UTRN: variants seen among roughly 807,000 people sequenced by gnomAD.
The protein encoded by UTRN is utrophin.
A neutral mutation model predicts 463.9 loss-of-function variants in UTRN; 283 were observed. The ratio of observed to expected loss-of-function variants is 0.61; its 90% confidence interval spans 0.55 to 0.67. The LOEUF (loss-of-function observed/expected upper bound fraction) is 0.67, where lower values mean the gene tolerates loss of function less well. UTRN is among the 30% of genes least tolerant of loss of function. UTRN has a pLI of 0.00. For synonymous variants in UTRN, 1,442 were observed against 1,431.5 expected, an observed-to-expected ratio of 1.01 and a Z score of -0.17; for missense variants, 3,922 against 4,084.3, an observed-to-expected ratio of 0.96 and a Z score of 1.08.
At chr6:144,616,889 A>G (rs562928537) in intron 51 of UTRN, among the ~76,000 whole-genome samples, 1 of 152,280 alleles carries the variant, frequency 6.6e-6, no homozygotes, top group East Asian at 1.9e-4. Context: ...ATAGCGTTCT[A>G]CCACCTGGTG....
chr6:144,451,603 G>A (rs996557263), intron 18 of UTRN, 110 bp downstream of exon 18: 69 of 1,302,484 alleles, frequency 5.3e-5, no homozygotes, highest in Non-Finnish European at 3.4e-5. Context: ...TAAAATAAAT[G>A]TAGGCAGAAG....
At chr6:144,346,260 G>A (rs1450425789) in intron 2 of UTRN, among the ~76,000 whole-genome samples, 4 of 152,068 alleles carry the variant, frequency 2.6e-5, no homozygotes, top group African/African-American at 9.7e-5. Context: ...TGTGCTGGTT[G>A]AGTTCTGGTT....
chr6:144,484,634 G>A (rs1017827024), intron 27 of UTRN, among the ~76,000 whole-genome samples: 3 of 151,024 alleles, frequency 2.0e-5, no homozygotes, highest in African/African-American at 7.3e-5. Flanking sequence ...GTAGAGATGG[G>A]GTTTCACCAT....
chr6:144,586,148 C>T (rs10447422), intron 51 of UTRN, among the ~76,000 whole-genome samples: 26,002 of 151,802 alleles, frequency 0.17, 2,421 homozygotes, highest in South Asian at 0.31. Flanking sequence ...GTGTGTTACA[C>T]GAGTAGATAC....
chr6:144,761,348 T>G (rs117399165), intron 58 of UTRN, among the ~76,000 whole-genome samples: 16 of 152,236 alleles, frequency 1.1e-4, no homozygotes, highest in Non-Finnish European at 1.9e-4. Context: ...CTCATTGTAT[T>G]CAGGGTTTAA....
At chr6:144,776,954 C>T (rs1775378627) in intron 60 of UTRN, among the ~76,000 whole-genome samples, 1 of 152,164 alleles carries the variant, frequency 6.6e-6, no homozygotes, top group Non-Finnish European at 1.5e-5. Flanking sequence ...TATGGCTCCT[C>T]ATAGAACTGT....
At chr6:144,768,749 C>T (rs1319093845) in intron 58 of UTRN, among the ~76,000 whole-genome samples, 1 of 152,096 alleles carries the variant, frequency 6.6e-6, no homozygotes, top group Admixed American at 6.5e-5. Flanking sequence ...CTTCAGTTTG[C>T]AGAGTTTAAA....
At chr6:144,513,877 G>C (rs746160169) in intron 35 of UTRN, 32 bp from the exon 36 acceptor site, 1 of 1,605,888 alleles carries the variant, frequency 6.2e-7, no homozygotes, top group Non-Finnish European at 8.5e-7. Flanking sequence ...ATTTCATATG[G>C]TTATGTAAGC....
chr6:144,535,179 C>T (rs1441813746), intron 43 of UTRN, among the ~76,000 whole-genome samples: 1 of 152,208 alleles, frequency 6.6e-6, no homozygotes, highest in Admixed American at 6.5e-5. Flanking sequence ...CTCCCCGGCT[C>T]AAGCAATTCT....
At chr6:144,356,898 T>A (rs1043655477) in intron 2 of UTRN, among the ~76,000 whole-genome samples, 1 of 149,638 alleles carries the variant, frequency 6.7e-6, no homozygotes, top group Non-Finnish European at 1.5e-5. Context: ...TGTGTATATA[T>A]ACACACACAC....
At chr6:144,315,484 T>G (rs1319567797) in intron 2 of UTRN, among the ~76,000 whole-genome samples, 2 of 152,176 alleles carry the variant, frequency 1.3e-5, no homozygotes, top group African/African-American at 4.8e-5. Flanking sequence ...TGACACTAGT[T>G]GGACAGGGCC....
intron 52 of UTRN, among the ~76,000 whole-genome samples, chr6:144,679,405 G>A (rs1483243187): frequency 1.3e-5 from 2 of 152,262 alleles, no homozygotes; most frequent in Non-Finnish European, 2.9e-5. Context: ...AACATTGGCA[G>A]GAAGTCCTGG....
intron 51 of UTRN, among the ~76,000 whole-genome samples, chr6:144,638,716 T>C (rs1353382796): frequency 6.6e-6 from 1 of 152,192 alleles, no homozygotes; most frequent in African/African-American, 2.4e-5. Context: ...TAAAATTAAT[T>C]TTGGAAGTTG....
intron 52 of UTRN, among the ~76,000 whole-genome samples, chr6:144,689,417 G>A (rs528815182): frequency 4.6e-5 from 7 of 152,318 alleles, no homozygotes; most frequent in Non-Finnish European, 7.3e-5. Flanking sequence ...ACTTCCCACA[G>A]GTGGAAATGT....
At chr6:144,366,341 A>T (rs1396988122) in intron 2 of UTRN, among the ~76,000 whole-genome samples, 2 of 152,108 alleles carry the variant, frequency 1.3e-5, no homozygotes, top group Non-Finnish European at 2.9e-5. Flanking sequence ...TGATTATTTC[A>T]TCACCCAGGT....
chr6:144,489,284 C>T (rs1014177020), intron 30 of UTRN, among the ~76,000 whole-genome samples: 2 of 152,092 alleles, frequency 1.3e-5, no homozygotes, highest in Non-Finnish European at 2.9e-5. Context: ...CTCCTGACTT[C>T]AAGTGATCTG....
chr6:144,644,767 A>G (rs1362606661), intron 51 of UTRN, among the ~76,000 whole-genome samples: 1 of 152,200 alleles, frequency 6.6e-6, no homozygotes, highest in Non-Finnish European at 1.5e-5. Context: ...CAGTACCAAA[A>G]TGGAGTGGTT....
intron 51 of UTRN, among the ~76,000 whole-genome samples, chr6:144,610,879 AAAACC>A (rs150533802): frequency 1.9e-3 from 285 of 152,338 alleles, no homozygotes; most frequent in African/African-American, 6.4e-3. Context: ...TTGTTTCAAA[AAAACC>A]AAACCAAACC....
chr6:144,367,093 C>T (rs533327154), intron 2 of UTRN, among the ~76,000 whole-genome samples: 2 of 152,270 alleles, frequency 1.3e-5, no homozygotes, highest in African/African-American at 2.4e-5. Context: ...AAGTGATTCT[C>T]CTGCCTCAGT....
Sources: gnomAD v4.1 joint callset for allele counts (sites outside exome capture counted in the v4.1 genomes callset) on GRCh38, gnomAD v4.1.1 for gene constraint, MANE v1.5 for transcripts, NCBI Gene and HGNC (gene_info 2026-07-23, HGNC 2026-07-21) for gene names.